The following AKAP19 variants were observed in gnomAD, a reference collection of about 807,000 sequenced individuals.
AKAP19 encodes the protein small A-kinase anchoring protein.
At chr2:189,944,019 G>C in the AKAP19 span, among the ~76,000 whole-genome samples, 1 of 152,158 alleles carries the variant, frequency 6.6e-6, no homozygotes, top group African/African-American at 2.4e-5. Context: ...TTGGACTTTT[G>C]CATTAATGCT....
the AKAP19 span, among the ~76,000 whole-genome samples, chr2:189,982,055 C>G: frequency 2.6e-5 from 4 of 152,144 alleles, no homozygotes; most frequent in Admixed American, 2.6e-4. Context: ...AACTGTCTAC[C>G]CAAGATTAGG....
At chr2:190,164,724 ATTAG>A in the AKAP19 span, among the ~76,000 whole-genome samples, 1 of 152,212 alleles carries the variant, frequency 6.6e-6, no homozygotes, top group South Asian at 2.1e-4. Flanking sequence ...GAGGAATGCT[ATTAG>A]TTCTCAGATG....
At chr2:189,963,061 T>C in the AKAP19 span, among the ~76,000 whole-genome samples, 1 of 152,180 alleles carries the variant, frequency 6.6e-6, no homozygotes, top group African/African-American at 2.4e-5. Flanking sequence ...ATTTTAGCAA[T>C]GTTCATAGCA....
At chr2:189,959,084 C>T in the AKAP19 span, among the ~76,000 whole-genome samples, 4 of 151,752 alleles carry the variant, frequency 2.6e-5, no homozygotes, top group Non-Finnish European at 2.9e-5. Flanking sequence ...TTTTCTTAAA[C>T]TGGGTGATGG....
the AKAP19 span, among the ~76,000 whole-genome samples, chr2:190,015,265 T>A: frequency 6.6e-6 from 1 of 152,166 alleles, no homozygotes; most frequent in African/African-American, 2.4e-5. Context: ...TTTCCATACA[T>A]CCTTTGAAAT....
chr2:190,135,939 G>A, the AKAP19 span, among the ~76,000 whole-genome samples: 1 of 152,208 alleles, frequency 6.6e-6, no homozygotes, highest in Non-Finnish European at 1.5e-5. Context: ...CATGGAGGAA[G>A]TGGGAATTTG....
At chr2:189,934,811 G>A in the AKAP19 span, among the ~76,000 whole-genome samples, 33 of 151,676 alleles carry the variant, frequency 2.2e-4, no homozygotes, top group Admixed American at 5.3e-4. Flanking sequence ...TTCTTAAAGT[G>A]AATAATAAAT....
At chr2:190,177,364 G>T in the AKAP19 span, among the ~76,000 whole-genome samples, 10 of 152,106 alleles carry the variant, frequency 6.6e-5, no homozygotes, top group African/African-American at 2.4e-4. This position sits in a 1 kb window ranked among gnomAD's most constrained non-coding sequence, Gnocchi z 4.6. Flanking sequence ...ATGAACACTC[G>T]CAAACTATGC....
the AKAP19 span, among the ~76,000 whole-genome samples, chr2:189,980,275 A>T: frequency 5.5e-3 from 831 of 152,192 alleles, no homozygotes; most frequent in Middle Eastern, 0.01. Flanking sequence ...ATGGATGTAA[A>T]TGAAGGCCAT....
chr2:190,122,272 C>T, the AKAP19 span, among the ~76,000 whole-genome samples: 1 of 152,134 alleles, frequency 6.6e-6, no homozygotes, highest in African/African-American at 2.4e-5. Flanking sequence ...CCATTGTGCC[C>T]TTGTGAAGAC....
the AKAP19 span, among the ~76,000 whole-genome samples, chr2:189,975,452 A>T: frequency 6.6e-6 from 1 of 151,916 alleles, no homozygotes; most frequent in African/African-American, 2.4e-5. Context: ...TCTGACAATT[A>T]TGTGTCTTGG....
chr2:189,967,803 C>A, the AKAP19 span, among the ~76,000 whole-genome samples: 1 of 147,598 alleles, frequency 6.8e-6, no homozygotes, highest in Non-Finnish European at 1.5e-5. Context: ...CCAGTCTGGG[C>A]AACATAATGA....
chr2:190,199,306 G>A, the AKAP19 span, among the ~76,000 whole-genome samples: 1,068 of 152,246 alleles, frequency 7.0e-3, 15 homozygotes, highest in African/African-American at 0.023. Context: ...TAGTATGAAC[G>A]CAGCCATGGA....
the AKAP19 span, among the ~76,000 whole-genome samples, chr2:190,118,553 C>G: frequency 5.4e-3 from 822 of 152,298 alleles, 4 homozygotes; most frequent in African/African-American, 0.011. Context: ...GGATGCAAGG[C>G]TGGTTCAACA....
At chr2:190,197,057 T>C in the AKAP19 span, among the ~76,000 whole-genome samples, 1 of 152,120 alleles carries the variant, frequency 6.6e-6, no homozygotes, top group African/African-American at 2.4e-5. The surrounding 1 kb of genome is among the most constrained non-coding windows in gnomAD (Gnocchi z 4.0). Flanking sequence ...CACATGTCAG[T>C]AGGGGCAAGG....
the AKAP19 span, among the ~76,000 whole-genome samples, chr2:190,149,578 C>T: frequency 1.3e-5 from 2 of 152,054 alleles, no homozygotes; most frequent in African/African-American, 2.4e-5. Context: ...TGTTTTTGAC[C>T]CACTGCTCAT....
At chr2:190,060,539 C>T in the AKAP19 span, 3 of 956,500 alleles carry the variant, frequency 3.1e-6, no homozygotes, top group African/African-American at 5.0e-5. Flanking sequence ...TAATGTATGC[C>T]TATGCAGTCT....
At chr2:190,183,835 C>T in the AKAP19 span, among the ~76,000 whole-genome samples, 4 of 151,740 alleles carry the variant, frequency 2.6e-5, no homozygotes, top group Non-Finnish European at 5.9e-5. Flanking sequence ...CACCTTAGTT[C>T]TCTCTTAGTG....
chr2:190,092,095 G>C, the AKAP19 span, among the ~76,000 whole-genome samples: 1 of 152,058 alleles, frequency 6.6e-6, no homozygotes, highest in African/African-American at 2.4e-5. Context: ...ATATTCTACA[G>C]TAGGACACTT....
Sources: allele counts gnomAD v4.1 joint callset (sites outside exome capture counted in the v4.1 genomes callset), GRCh38; gene constraint gnomAD v4.1.1; non-coding constraint Gnocchi (gnomAD v3.1); transcripts MANE v1.5; gene names NCBI Gene and HGNC (gene_info 2026-07-23, HGNC 2026-07-21).